Variants in GPHA2 observed in about 807,000 individuals in gnomAD.
GPHA2 encodes glycoprotein hormone alpha-2.
A neutral mutation model predicts 15.3 loss-of-function variants in GPHA2; 12 were observed. The ratio of observed to expected loss-of-function variants is 0.78; its 90% CI spans 0.50 to 1.27. The LOEUF (loss-of-function observed/expected upper bound fraction) is 1.27. GPHA2 is among the 50% of genes most tolerant of loss of function. The pLI is 0.00. For synonymous variants in GPHA2, 61 were observed against 66.8 expected (o/e 0.91, Z 0.42); for missense variants, 156 against 169.5 (o/e 0.92, Z 0.44).
Position 64,935,013 on chromosome 11 carries a change from C to T in GPHA2, c.266G>A (p.Cys89Tyr), listed in dbSNP as rs748721148. 6.2e-7 allele frequency: 1 copy of T among 1,614,078 alleles called. No individual in the cohort carries two copies. Among genetic ancestry groups the T allele is most frequent in the Admixed American group, 1.7e-5 (1 of 60,020 alleles). The change falls in exon 3 of 4, where the codon TGC (cysteine) becomes TAC (tyrosine). Residue 89 changes from cysteine to tyrosine, a missense_variant. Physicochemically the swap from Cys to Tyr is radical, Grantham distance 194. Transcript: ENST00000279168. ...RHNITSVSQC[C>Y]TISGLKKVKV... ...CACCTTCTTCAGGCCACTGATGGTG[C>T]AGCACTGAGAGACGGAGGTGATGTT...
intron 2 of GPHA2, 81 bp downstream of exon 2, chr11:64,935,277 C>G: frequency 4.9e-6 from 7 of 1,414,422 alleles, no homozygotes; most frequent in Non-Finnish European, 6.7e-6. Flanking sequence ...TAGGGTGCTG[C>G]CTGCCCCACC....
upstream of GPHA2, among the ~76,000 whole-genome samples, chr11:64,937,294 A>G (rs1303519687): frequency 2.0e-5 from 3 of 152,204 alleles, no homozygotes; most frequent in African/African-American, 7.2e-5. Context: ...ACAACTTCCC[A>G]AAGCTTCACT....
chr11:64,936,581 G>C (rs913969913), upstream of GPHA2, among the ~76,000 whole-genome samples: 1 of 152,136 alleles, frequency 6.6e-6, no homozygotes, highest in Non-Finnish European at 1.5e-5. Flanking sequence ...ACTGTGCCTG[G>C]CCACACCCCT....
At chr11:64,935,260 G>A in intron 2 of GPHA2, 85 bp from the exon 3 acceptor site, 1 of 1,482,170 alleles carries the variant, frequency 6.7e-7, no homozygotes, top group Middle Eastern at 2.0e-4. Flanking sequence ...CTCAGTGTGG[G>A]GCCCTTTAGG....
chr11:64,934,564 G>C lies in GPHA2; in HGVS notation c.*209C>G, dbSNP rs3178482. 1.7e-6 allele frequency: 1 copy of C among 600,968 alleles called. No individual in the cohort carries two copies. Among genetic ancestry groups the C allele is most frequent in the South Asian group, 2.0e-5 (1 of 49,698 alleles). 37.2% of individuals were successfully genotyped at this position (600,968 alleles called of 1,614,324 possible). On this transcript the variant is annotated 3_prime_UTR_variant, in exon 4 of 4. Coordinates refer to ENST00000279168, the MANE Select transcript of GPHA2 (RefSeq NM_130769.4). ...AGAAGGGCCAGGCAGAGGCAGGGAA[G>C]AAGCAGAAACTCCCCTCTTCTCAGG...
chr11:64,935,911 C>T (rs1945289286), upstream of GPHA2: 2 of 154,248 alleles, frequency 1.3e-5, no homozygotes, highest in African/African-American at 4.8e-5. Context: ...TGCTGGCTCT[C>T]CAGGCTTTTA....
intron 1 of GPHA2, 113 bp downstream of exon 1, chr11:64,935,721 G>A (rs1451206261): frequency 8.3e-6 from 3 of 359,552 alleles, no homozygotes; most frequent in South Asian, 8.0e-5. Flanking sequence ...AATTTTCTTC[G>A]CCATCTGGAG....
At position 64,934,565 on chromosome 11, in the gene GPHA2, A is replaced by C. The variant is rs980109626; in HGVS notation, c.*208T>G. 1.7e-6 allele frequency: 1 copy of C among 601,278 alleles called. No individual in the cohort carries two copies. The highest frequency in any genetic ancestry group is 3.0e-6 in the Non-Finnish European group (1 of 337,274). 37.2% of individuals were successfully genotyped at this position (601,278 alleles called of 1,614,324 possible). A position where few individuals can be genotyped will look rare whatever the true frequency, so the allele number is the denominator to read the frequency against. On this transcript the variant is annotated 3_prime_UTR_variant, in exon 4 of 4. Transcript: ENST00000279168. ...GAAGGGCCAGGCAGAGGCAGGGAAGAAGCAGAAACTCCCCTCTTCTCAGGT... is the reference window on the plus strand; with the variant it reads ...GAAGGGCCAGGCAGAGGCAGGGAAGCAGCAGAAACTCCCCTCTTCTCAGGT...
At chr11:64,936,093 C>A (rs1465079969), upstream of GPHA2, among the ~76,000 whole-genome samples, 1 of 152,146 alleles carries the variant, frequency 6.6e-6, no homozygotes, top group Admixed American at 6.5e-5. Context: ...CTACCCACAG[C>A]CCAGGCCTCG....
Position 64,935,010 on chromosome 11 carries a change from G to A in GPHA2, c.269C>T (p.Thr90Ile). 1 of 1,614,072 alleles carries A rather than the reference G, an allele frequency of 6.2e-7. No individual in the cohort carries two copies. The highest frequency in any genetic ancestry group is 8.5e-7 in the Non-Finnish European group (1 of 1,180,008). Residue 90 changes from threonine to isoleucine, a missense_variant, in exon 3 of 4, where the codon ACC becomes ATC. Thr to Ile is a moderately conservative substitution (Grantham distance 89). Transcript: ENST00000279168. ...CCTCACCTTCTTCAGGCCACTGATG[G>A]TGCAGCACTGAGAGACGGAGGTGAT... The part of the protein sequence containing the change: ...HNITSVSQCC[T>I]ISGLKKVKVQ...
rs199900014 is a variant in GPHA2 at position 64,934,961 on chromosome 11, G to A, written c.288+30C>T. Reference sequence around the variant, plus strand: ...TCTCTGGTCTTCCCGCGACCCCAGCGTCCATCCACCGGGCCCGGGCCCTCC... The same window carrying A: ...TCTCTGGTCTTCCCGCGACCCCAGCATCCATCCACCGGGCCCGGGCCCTCC... On this transcript the variant is annotated intron_variant, in intron 3 of 3. Coordinates refer to ENST00000279168, the MANE Select transcript of GPHA2 (RefSeq NM_130769.4). 1,020 of 1,613,490 alleles carry A rather than the reference G, an allele frequency of 6.3e-4. 1 individual carries two copies. The highest frequency in any genetic ancestry group is 8.2e-4 in the Non-Finnish European group (966 of 1,179,574).
chr11:64,934,710 A>G lies in GPHA2; in HGVS notation c.*63T>C. On this transcript the variant is annotated 3_prime_UTR_variant, in exon 4 of 4. Transcript: ENST00000279168. ...CTTCCAGTTTTTGAATCTTGAACAC[A>G]GGTTTCCCCCACCAGAACGTCAAGC... 7.5e-7 allele frequency: 1 copy of G among 1,341,936 alleles called. No homozygotes were observed. The highest frequency in any genetic ancestry group is 1.1e-6 in the Non-Finnish European group (1 of 931,890). 83.1% of individuals were successfully genotyped at this position (1,341,936 alleles called of 1,614,324 possible).
rs1270156568 is a variant in GPHA2 at position 64,935,474 on chromosome 11, G to A, written c.1-14C>T. 6.4e-7 allele frequency: 1 copy of A among 1,554,844 alleles called. No individual in the cohort carries two copies. Among genetic ancestry groups the A allele is most frequent in the African/African-American group, 1.4e-5 (1 of 72,822 alleles). On this transcript the variant is annotated splice_polypyrimidine_tract_variant and intron_variant, in intron 1 of 3. Transcript: ENST00000279168. ...CGCCATAGGCATCTGAAACACAGTG[G>A]GGAGATGTCTCTACGTGGGTGTGCA...
At position 64,934,781 on chromosome 11, in the gene GPHA2, G is replaced by T; in HGVS notation, c.382C>A (p.Arg128Ser). 2 of 1,613,698 alleles carry T rather than the reference G, an allele frequency of 1.2e-6. No individual in the cohort carries two copies. Among genetic ancestry groups the T allele is most frequent in the South Asian group, 2.2e-5 (2 of 91,070 alleles). ...GGAGGGGAGAGGATGGGCTAGTAGCGAGAGAGGCGACACATGTCACACTGG... is the reference window on the plus strand; with the variant it reads ...GGAGGGGAGAGGATGGGCTAGTAGCTAGAGAGGCGACACATGTCACACTGG... ...ACQCDMCRLS[R>S]Y The change falls in exon 4 of 4, where the codon CGC becomes AGC. Residue 128 changes from arginine (R) to serine (S), a missense_variant. Coordinates refer to ENST00000279168, the MANE Select transcript of GPHA2 (RefSeq NM_130769.4).
chr11:64,934,872 G>A lies in GPHA2; in HGVS notation c.291C>T (p.Val97=). ...TCCCCACACACTGCAGCTGTACTTT[G>A]ACCTGCGGGAGAGGGGAGTCCGTGC... is the stretch of plus-strand genomic sequence containing the variant. ...QCCTISGLKK[V]KVQLQCVGSR... is the part of the protein sequence containing the mutation. Residue 97 remains valine (V), a splice_region_variant and synonymous_variant, in exon 4 of 4, where the codon GTC becomes GTT. Coordinates refer to ENST00000279168, the MANE Select transcript of GPHA2 (RefSeq NM_130769.4). 6.2e-7 allele frequency: 1 copy of A among 1,613,904 alleles called. No individual in the cohort carries two copies. The highest frequency in any genetic ancestry group is 8.5e-7 in the Non-Finnish European group (1 of 1,179,852).
At chr11:64,934,949 C>T (rs369222776) in intron 3 of GPHA2, 42 bp downstream of exon 3, 56 of 1,613,134 alleles carry the variant, frequency 3.5e-5, no homozygotes, top group East Asian at 2.2e-5. Flanking sequence ...CTGGTCTTCC[C>T]GCGACCCCAG....
chr11:64,935,027 G>A lies in GPHA2; in HGVS notation c.252C>T (p.Ser84=), dbSNP rs773465279. ...VASGYRHNIT[S]VSQCCTISGL... is the part of the protein sequence containing the mutation. ...CACTGATGGTGCAGCACTGAGAGAC[G>A]GAGGTGATGTTGTGTCGGTAACCAC... Residue 84 remains serine (S), a synonymous_variant, in exon 3 of 4, where the codon TCC becomes TCT. Coordinates refer to ENST00000279168, the MANE Select transcript of GPHA2 (RefSeq NM_130769.4). 1.7e-5 allele frequency: 27 copies of A among 1,614,062 alleles called. No individual in the cohort carries two copies. The highest frequency in any genetic ancestry group is 1.4e-4 in the South Asian group (13 of 91,072).
Position 64,934,668 on chromosome 11 carries a change from C to T in GPHA2, c.*105G>A, listed in dbSNP as rs546426100. ...TTAAAAAAATTCCATAGCAAGTAAC[C>T]ATCAGGGCTGGAGCTCCTTCCAGTT... On this transcript the variant is annotated 3_prime_UTR_variant, in exon 4 of 4. Coordinates refer to ENST00000279168, the MANE Select transcript of GPHA2 (RefSeq NM_130769.4). 1.1e-5 allele frequency: 10 copies of T among 889,612 alleles called. No homozygotes were observed. Among genetic ancestry groups the T allele is most frequent in the African/African-American group, 1.6e-5 (1 of 61,028 alleles). The allele number at this position is 889,612 out of a possible 1,614,324, so 55.1% of individuals were successfully genotyped here.
intron 1 of GPHA2, 141 bp from the exon 2 acceptor site, chr11:64,935,601 G>T: frequency 1.7e-6 from 1 of 605,522 alleles, no homozygotes. Flanking sequence ...CCTTTTCCCT[G>T]TATCTGCCTT....
Sources: gnomAD v4.1 joint callset for allele counts (sites outside exome capture counted in the v4.1 genomes callset) on GRCh38, gnomAD v4.1.1 for gene constraint, MANE v1.5 for transcripts, NCBI Gene and HGNC (gene_info 2026-07-23, HGNC 2026-07-21) for gene names.